The following VEGFC variants were observed in gnomAD, a reference collection of about 807,000 sequenced individuals.
The protein encoded by VEGFC is FLT4 ligand DHM.
Under a neutral mutation model 46.1 loss-of-function variants are expected in VEGFC, and 12 were observed. The ratio of observed to expected loss-of-function variants is 0.26; its 90% confidence interval spans 0.17 to 0.42. VEGFC has a LOEUF of 0.42. VEGFC is among the 10% of genes least tolerant of loss of function. The pLI is 1.00. For missense variants in VEGFC, 488 were observed against 529.4 expected (o/e 0.92, Z 0.77); for synonymous variants, 232 against 195.5 (o/e 1.19, Z -1.56).
intron 3 of VEGFC, among the ~76,000 whole-genome samples, chr4:176,720,045 G>A (rs1394023122): frequency 6.6e-6 from 1 of 151,576 alleles, no homozygotes; most frequent in Non-Finnish European, 1.5e-5. Flanking sequence ...GGTGACAAGA[G>A]TGAGACTCCG....
chr4:176,771,234 G>A (rs1212942257), intron 1 of VEGFC, among the ~76,000 whole-genome samples: 5 of 152,074 alleles, frequency 3.3e-5, no homozygotes, highest in African/African-American at 1.2e-4. Flanking sequence ...TACAGTTGCA[G>A]GGGAAACAAT....
rs911115267 is a variant in VEGFC at position 176,760,483 on chromosome 4, G to A, written c.148-30737C>T. Among the ~76,000 whole-genome samples the A allele has an allele frequency of 5.3e-5, 8 of 152,180 alleles. No individual in the cohort carries two copies. In the East Asian group the frequency reaches 1.5e-3, roughly 29 times the overall value. On this transcript the variant is annotated intron_variant, in intron 1 of 6. Transcript: ENST00000618562. The stretch of plus-strand genomic sequence containing the variant: ...GCTAAAATATCTTCCAATGTTTTTA[G>A]GTTATACTGTCTATATATTCTTAAT...
In VEGFC at chr4:176,792,323, C is replaced by CG. The variant is rs774936952; in HGVS notation, c.-13dup. On this transcript the variant is annotated 5_prime_UTR_variant, in exon 1 of 7. Coordinates refer to ENST00000618562, the MANE Select transcript of VEGFC (RefSeq NM_005429.5). The surrounding 1 kb of genome is among the most constrained non-coding windows in gnomAD (Gnocchi z 6.3). Reference sequence around the variant, plus strand: ...CCCAGCAAGTGCATGGTGGAAGGACCGGGGGTGGGGGACCGGTCCGCTGGC... The same window carrying CG: ...CCCAGCAAGTGCATGGTGGAAGGACCGGGGGGTGGGGGACCGGTCCGCTGGC... 11 of 1,149,150 alleles carry CG rather than the reference C, an allele frequency of 9.6e-6. No individual in the cohort carries two copies. The South Asian group carries it at 1.4e-4, about 15-fold the overall frequency. 71.2% of individuals were successfully genotyped at this position (1,149,150 alleles called of 1,614,324 possible).
At chr4:176,756,471 G>A (rs1254784456) in intron 1 of VEGFC, among the ~76,000 whole-genome samples, 1 of 151,786 alleles carries the variant, frequency 6.6e-6, no homozygotes, top group South Asian at 2.1e-4. Context: ...TTGGTAGCTG[G>A]GACCTCCACA....
chr4:176,692,916 CCTGT>C (rs1367212671), intron 4 of VEGFC, among the ~76,000 whole-genome samples: 2 of 147,782 alleles, frequency 1.4e-5, no homozygotes, highest in Non-Finnish European at 3.0e-5. Flanking sequence ...AGCTGAGGGT[CCTGT>C]CTGTTAGAAG....
chr4:176,720,813 C>G lies in VEGFC; in HGVS notation c.552+6965G>C, dbSNP rs189895057. ...CTGAGTTCCTGCCACTGCACTCCCC[C>G]ACCTGGGCAACAAGAGTGAGACTCC... On this transcript the variant is annotated intron_variant, in intron 3 of 6. Transcript: ENST00000618562. 1.3e-4 allele frequency among the ~76,000 whole-genome samples: 19 copies of G among 149,658 alleles called. No homozygotes were observed. In the South Asian group the frequency reaches 1.5e-3, roughly 12 times the overall value.
chr4:176,714,216 G>A (rs182311953), intron 3 of VEGFC, among the ~76,000 whole-genome samples: 8 of 152,282 alleles, frequency 5.3e-5, no homozygotes, highest in African/African-American at 1.9e-4. Flanking sequence ...CTCATGAATG[G>A]CTTAGCACCA....
chr4:176,696,738 C>T (rs141278064), intron 4 of VEGFC, among the ~76,000 whole-genome samples: 34,773 of 151,508 alleles, frequency 0.23, 6,609 homozygotes, highest in African/African-American at 0.52. Context: ...CAAACTATAC[C>T]ACAAGGCTAC....
chr4:176,749,403 GTTAT>G (rs1665754917), intron 1 of VEGFC, among the ~76,000 whole-genome samples: 2 of 151,828 alleles, frequency 1.3e-5, no homozygotes, highest in South Asian at 2.1e-4. Flanking sequence ...TTCATTCCAA[GTTAT>G]TTAATATTTT....
chr4:176,692,975 G>C (rs571107139), intron 4 of VEGFC, among the ~76,000 whole-genome samples: 2 of 150,476 alleles, frequency 1.3e-5, no homozygotes, highest in East Asian at 3.9e-4. Context: ...AAACCCATCT[G>C]TACATCACCA....
At chr4:176,719,995 G>A (rs982228928) in intron 3 of VEGFC, among the ~76,000 whole-genome samples, 1 of 151,840 alleles carries the variant, frequency 6.6e-6, no homozygotes, top group African/African-American at 2.4e-5. Flanking sequence ...GGAGGTGGAG[G>A]TTGCAGTGAG....
chr4:176,728,457 G>A (rs1262814118), intron 2 of VEGFC, among the ~76,000 whole-genome samples: 2 of 152,138 alleles, frequency 1.3e-5, no homozygotes, highest in Non-Finnish European at 2.9e-5. Context: ...GTCCTTTTCA[G>A]GCGGACTATT....
At chr4:176,698,718 C>T (rs1197771240) in intron 4 of VEGFC, among the ~76,000 whole-genome samples, 1 of 151,974 alleles carries the variant, frequency 6.6e-6, no homozygotes, top group East Asian at 1.9e-4. Flanking sequence ...TCCCCATGTC[C>T]CCCACCCCCA....
chr4:176,702,266 AAAAG>A (rs1734447617), intron 4 of VEGFC, among the ~76,000 whole-genome samples: 1 of 152,178 alleles, frequency 6.6e-6, no homozygotes, highest in Non-Finnish European at 1.5e-5. Flanking sequence ...ACATTTTAAT[AAAAG>A]AAATAAAAGA....
intron 1 of VEGFC, among the ~76,000 whole-genome samples, chr4:176,787,742 A>C (rs2110956584): frequency 6.6e-6 from 1 of 152,280 alleles, no homozygotes; most frequent in Admixed American, 6.5e-5. Flanking sequence ...AAGCCACCCC[A>C]AAAATTTACA....
At chr4:176,769,367 GCCTC>G (rs1735685752) in intron 1 of VEGFC, among the ~76,000 whole-genome samples, 2 of 152,098 alleles carry the variant, frequency 1.3e-5, no homozygotes, top group Non-Finnish European at 1.5e-5. Context: ...GTTTCATTGT[GCCTC>G]TCCTGTGTGT....
At position 176,792,261 on chromosome 4, in the gene VEGFC, C is replaced by T; in HGVS notation, c.51G>A (p.Ala17=). The T allele has an allele frequency of 6.4e-7, 1 of 1,556,978 alleles. No homozygotes were observed. Among genetic ancestry groups the T allele is most frequent in the Non-Finnish European group, 8.7e-7 (1 of 1,153,862 alleles). ...FSVACSLLAA[A]LLPGPREAPA... is the part of the protein sequence containing the mutation. ...GCGCCTCGCGAGGACCCGGGAGCAGCGCAGCGGCGAGCAGAGAACACGCCA... is the reference window on the plus strand; with the variant it reads ...GCGCCTCGCGAGGACCCGGGAGCAGTGCAGCGGCGAGCAGAGAACACGCCA... The change falls in exon 1 of 7, where the codon GCG becomes GCA. Residue 17 remains alanine, a synonymous_variant. Transcript: ENST00000618562. This position sits in a 1 kb window ranked among gnomAD's most constrained non-coding sequence, Gnocchi z 6.3.
At position 176,736,495 on chromosome 4, in the gene VEGFC, A is replaced by G. The variant is rs564704603; in HGVS notation, c.148-6749T>C. On this transcript the variant is annotated intron_variant, in intron 1 of 6. Coordinates refer to ENST00000618562, the MANE Select transcript of VEGFC (RefSeq NM_005429.5). Reference sequence around the variant, plus strand: ...CTACTATAAAAAATATAATAGATGCACCTGCCTTGTAATTTCTTGTGATGA... The same window carrying G: ...CTACTATAAAAAATATAATAGATGCGCCTGCCTTGTAATTTCTTGTGATGA... Among the ~76,000 whole-genome samples the G allele has an allele frequency of 1.5e-4, 22 of 151,672 alleles. No individual in the cohort carries two copies. In the South Asian group the frequency reaches 4.4e-3, roughly 30 times the overall value.
At chr4:176,731,393 C>A (rs1734962425) in intron 1 of VEGFC, among the ~76,000 whole-genome samples, 1 of 151,938 alleles carries the variant, frequency 6.6e-6, no homozygotes, top group African/African-American at 2.4e-5. Flanking sequence ...TTATGATAAT[C>A]ATTTCACAAT....
Sources: allele counts gnomAD v4.1 joint callset (sites outside exome capture counted in the v4.1 genomes callset), GRCh38; gene constraint gnomAD v4.1.1; non-coding constraint Gnocchi (gnomAD v3.1); transcripts MANE v1.5; gene names NCBI Gene and HGNC (gene_info 2026-07-23, HGNC 2026-07-21).